Variants in MDGA2 observed in about 807,000 individuals in gnomAD.
MDGA2 encodes MAM domain containing glycosylphosphatidylinositol anchor 2.
MDGA2 carries 40 observed loss-of-function variants against 117.8 expected under a neutral mutation model. That is an observed-to-expected ratio of 0.34 (90% CI 0.26 to 0.44). MDGA2 has a LOEUF of 0.44. Ranked by LOEUF, MDGA2 falls within the 20% of genes least tolerant of loss-of-function variation. MDGA2 has a pLI of 1.00. For missense variants in MDGA2, 1,123 were observed against 1,250.6 expected (o/e 0.90, Z 1.54); for synonymous variants, 452 against 439.0 (o/e 1.03, Z -0.37).
intron 10 of MDGA2, among the ~76,000 whole-genome samples, chr14:46,889,718 T>C (rs930544867): frequency 6.6e-6 from 1 of 152,008 alleles, no homozygotes. Context: ...CCTGACAGCT[T>C]CCCCAGAACT....
At chr14:47,461,296 T>TGTGTGTGTGC (rs1893481830) in intron 1 of MDGA2, among the ~76,000 whole-genome samples, 1 of 151,930 alleles carries the variant, frequency 6.6e-6, no homozygotes, top group African/African-American at 2.4e-5. Flanking sequence ...TGTGTGTGTG[T>TGTGTGTGTGC]GTATCTACTG....
intron 8 of MDGA2, among the ~76,000 whole-genome samples, chr14:46,964,923 T>C (rs1885958939): frequency 9.4e-6 from 1 of 106,822 alleles, no homozygotes; most frequent in South Asian, 3.1e-4. Context: ...TATTTACTTT[T>C]TTTTTTTTTT....
intron 8 of MDGA2, among the ~76,000 whole-genome samples, chr14:47,028,556 T>C (rs1276944007): frequency 6.6e-6 from 1 of 152,152 alleles, no homozygotes; most frequent in Admixed American, 6.5e-5. Flanking sequence ...CTCTAAATTG[T>C]CTTCTACATA....
At chr14:47,268,299 T>G (rs1391313732) in intron 2 of MDGA2, among the ~76,000 whole-genome samples, 2 of 152,136 alleles carry the variant, frequency 1.3e-5, no homozygotes, top group Non-Finnish European at 2.9e-5. Context: ...GGTCTCGAAC[T>G]CCTGACCTCA....
chr14:47,179,850 C>T (rs1261994640), intron 3 of MDGA2, among the ~76,000 whole-genome samples: 1 of 152,020 alleles, frequency 6.6e-6, no homozygotes, highest in Non-Finnish European at 1.5e-5. Context: ...TCTATCTTAA[C>T]CAGATTATCT....
At chr14:47,510,725 T>C (rs962567711) in intron 1 of MDGA2, among the ~76,000 whole-genome samples, 1 of 152,224 alleles carries the variant, frequency 6.6e-6, no homozygotes. Flanking sequence ...TCCAAACTGC[T>C]TGTGGTTGTC....
chr14:46,977,864 T>C (rs967583159), intron 8 of MDGA2, among the ~76,000 whole-genome samples: 1 of 151,728 alleles, frequency 6.6e-6, no homozygotes, highest in Non-Finnish European at 1.5e-5. Context: ...GCTGGAGAAA[T>C]TGTGAAGGCT....
chr14:47,008,726 A>C (rs111745693), intron 8 of MDGA2, among the ~76,000 whole-genome samples: 21 of 152,096 alleles, frequency 1.4e-4, no homozygotes, highest in African/African-American at 4.1e-4. Flanking sequence ...CAGTTAAAAT[A>C]ATGTGCTTGG....
chr14:46,849,166 T>C (rs970529811), intron 15 of MDGA2, among the ~76,000 whole-genome samples: 1 of 152,018 alleles, frequency 6.6e-6, no homozygotes, highest in African/African-American at 2.4e-5. Context: ...TTTGTATTTT[T>C]AATATTTATT....
intron 2 of MDGA2, among the ~76,000 whole-genome samples, chr14:47,293,616 C>T (rs915149371): frequency 3.9e-5 from 6 of 152,038 alleles, no homozygotes; most frequent in African/African-American, 9.7e-5. Flanking sequence ...ATCACAAATA[C>T]GATTATCATT....
At chr14:47,608,148 A>G (rs1896774860) in intron 1 of MDGA2, among the ~76,000 whole-genome samples, 1 of 152,150 alleles carries the variant, frequency 6.6e-6, no homozygotes, top group Non-Finnish European at 1.5e-5. Context: ...TAATACCTTT[A>G]ACTCATGGTG....
intron 9 of MDGA2, among the ~76,000 whole-genome samples, chr14:46,941,892 GAC>G (rs1246253108): frequency 5.9e-5 from 9 of 152,152 alleles, no homozygotes; most frequent in Non-Finnish European, 1.2e-4. Flanking sequence ...CAAGCTGTAA[GAC>G]ACAGTTTTGC....
chr14:47,413,685 C>A (rs1428471619), intron 1 of MDGA2, among the ~76,000 whole-genome samples: 1 of 139,248 alleles, frequency 7.2e-6, no homozygotes. Context: ...TTTTTTTTTA[C>A]TTTGAGAAAA....
chr14:47,305,432 C>G (rs974835848), intron 1 of MDGA2: 1 of 152,162 alleles, frequency 6.6e-6, no homozygotes, highest in Non-Finnish European at 1.5e-5. Flanking sequence ...TTTCCTAACA[C>G]TAATCATATC....
intron 1 of MDGA2, among the ~76,000 whole-genome samples, chr14:47,548,804 G>T (rs1264361965): frequency 1.3e-5 from 2 of 151,936 alleles, no homozygotes; most frequent in African/African-American, 4.8e-5. Flanking sequence ...GAAGTATGGC[G>T]GACATTATCA....
chr14:47,108,371 C>G (rs539398962), intron 5 of MDGA2, among the ~76,000 whole-genome samples: 1 of 152,134 alleles, frequency 6.6e-6, no homozygotes, highest in Non-Finnish European at 1.5e-5. Flanking sequence ...TGCACGTATA[C>G]GCCCAGATGG....
chr14:47,572,571 A>G (rs1896040965), intron 1 of MDGA2, among the ~76,000 whole-genome samples: 1 of 152,188 alleles, frequency 6.6e-6, no homozygotes, highest in Admixed American at 6.5e-5. Context: ...GTTTTTGCAG[A>G]GTTGGCTTAC....
Position 47,035,043 on chromosome 14 carries a change from G to A in MDGA2, c.1787C>T (p.Pro596Leu). 6.2e-7 allele frequency: 1 copy of A among 1,613,882 alleles called. No individual in the cohort carries two copies. The highest frequency in any genetic ancestry group is 8.5e-7 in the Non-Finnish European group (1 of 1,179,894). The stretch of plus-strand genomic sequence containing the variant: ...GATGAGCTGCACCAAGGCTTCCCTT[G>A]GTTTCACGTTAAATCCATTGTATTG... ...TSQYNGFNVK[P>L]REALVQLIVQ... The change falls in exon 8 of 17, where the codon CCA (proline) becomes CTA (leucine). Residue 596 changes from proline (P) to leucine (L), a missense_variant. By Grantham distance (98) the Pro-to-Leu change is moderately conservative. Coordinates refer to ENST00000399232, the MANE Select transcript of MDGA2 (RefSeq NM_001113498.3).
At chr14:46,939,359 T>C (rs1247291148) in intron 9 of MDGA2, among the ~76,000 whole-genome samples, 1 of 152,192 alleles carries the variant, frequency 6.6e-6, no homozygotes, top group Non-Finnish European at 1.5e-5. Flanking sequence ...TATCAAAACA[T>C]TGCTTTGGAA....
Sources: allele counts gnomAD v4.1 joint callset (sites outside exome capture counted in the v4.1 genomes callset), GRCh38; gene constraint gnomAD v4.1.1; transcripts MANE v1.5; gene names NCBI Gene and HGNC (gene_info 2026-07-23, HGNC 2026-07-21).